PARD3B: variants seen among roughly 807,000 people sequenced by gnomAD.
PARD3B encodes partitioning defective 3 homolog B.
A neutral mutation model predicts 130.2 loss-of-function variants in PARD3B; 103 were observed. The observed-to-expected ratio is 0.79, with a 90% CI of 0.67 to 0.93. The LOEUF (loss-of-function observed/expected upper bound fraction) is 0.93. PARD3B is among the 40% of genes least tolerant of loss of function. PARD3B has a pLI of 0.00. For missense variants in PARD3B, 1,609 were observed against 1,499.2 expected, an observed-to-expected ratio of 1.07 and a Z score of -1.21; for synonymous variants, 583 against 553.2, an observed-to-expected ratio of 1.05 and a Z score of -0.76.
chr2:204,901,656 CAGA>C (rs771153949), intron 2 of PARD3B, among the ~76,000 whole-genome samples: 2 of 151,846 alleles, frequency 1.3e-5, no homozygotes, highest in African/African-American at 2.4e-5. Context: ...TTGTCTCAAG[CAGA>C]AGGAGTCTCT....
rs2036389979 is a variant in PARD3B at position 204,673,249 on chromosome 2, C to T, written c.121-12932C>T. On this transcript the variant is annotated intron_variant, in intron 1 of 22. Coordinates refer to ENST00000406610, the MANE Select transcript of PARD3B (RefSeq NM_001302769.2). This position sits in a 1 kb window ranked among gnomAD's most constrained non-coding sequence, Gnocchi z 4.7. ...TCTGAGATGCAAATAACATGTAAGTCCCTTCTTCTTCCTTTCTAGAAGTAT... is the reference window on the plus strand; with the variant it reads ...TCTGAGATGCAAATAACATGTAAGTTCCTTCTTCTTCCTTTCTAGAAGTAT... Among the ~76,000 whole-genome samples the T allele has an allele frequency of 6.6e-6, 1 of 152,140 alleles. No individual in the cohort carries two copies.
chr2:205,597,766 A>T (rs2054623181), intron 22 of PARD3B, among the ~76,000 whole-genome samples: 1 of 152,206 alleles, frequency 6.6e-6, no homozygotes, highest in Non-Finnish European at 1.5e-5. Context: ...GAAACCCCAT[A>T]AGGCTAGTAG....
intron 2 of PARD3B, among the ~76,000 whole-genome samples, chr2:204,910,977 A>G (rs2047215128): frequency 6.6e-6 from 1 of 152,198 alleles, no homozygotes; most frequent in Admixed American, 6.5e-5. Context: ...TACGCTGAGT[A>G]TGCCATAAAA....
At chr2:205,101,293 T>TA in intron 4 of PARD3B, among the ~76,000 whole-genome samples, 1 of 152,158 alleles carries the variant, frequency 6.6e-6, no homozygotes, top group East Asian at 1.9e-4. Context: ...TACAATAAAT[T>TA]AAAATTAAAA....
At chr2:205,317,468 A>G (rs2042600680) in intron 18 of PARD3B, among the ~76,000 whole-genome samples, 2 of 152,186 alleles carry the variant, frequency 1.3e-5, no homozygotes, top group Non-Finnish European at 2.9e-5. Context: ...AATGGAAAAT[A>G]TAGCCTTTAA....
chr2:205,117,586 A>G (rs1017841570), intron 6 of PARD3B, among the ~76,000 whole-genome samples: 3 of 152,230 alleles, frequency 2.0e-5, no homozygotes, highest in Non-Finnish European at 2.9e-5. Flanking sequence ...TTATTTACAC[A>G]TAAAATGTAC....
At position 205,274,760 on chromosome 2, in the gene PARD3B, A is replaced by G. The variant is rs951063700; in HGVS notation, c.2186-25770A>G. On this transcript the variant is annotated intron_variant, in intron 16 of 22. Transcript: ENST00000406610. The surrounding 1 kb of genome is among the most constrained non-coding windows in gnomAD (Gnocchi z 4.2). ...TTTTAAGCCCTCTACAGAAATCATT[A>G]TATTATTTTATAAAGAATCCATAAC... Among the ~76,000 whole-genome samples the G allele has an allele frequency of 3.3e-5, 5 of 152,180 alleles. No homozygotes were observed. The highest frequency in any genetic ancestry group is 5.9e-5 in the Non-Finnish European group (4 of 68,028).
chr2:205,031,861 C>A (rs1457673318), intron 3 of PARD3B, among the ~76,000 whole-genome samples: 1 of 152,036 alleles, frequency 6.6e-6, no homozygotes. Context: ...TTCTGATAAT[C>A]CCTTAAAAGA....
chr2:205,195,774 A>G lies in PARD3B; in HGVS notation c.2140+2454A>G, dbSNP rs76373540. Among the ~76,000 whole-genome samples, 965 of 152,098 alleles carry G rather than the reference A, an allele frequency of 6.3e-3. 7 individuals carry two copies. Among genetic ancestry groups the G allele is most frequent in the Non-Finnish European group, 9.7e-3 (660 of 68,008 alleles). On this transcript the variant is annotated intron_variant, in intron 15 of 22. Coordinates refer to ENST00000406610, the MANE Select transcript of PARD3B (RefSeq NM_001302769.2). The stretch of plus-strand genomic sequence containing the variant: ...GTAGCCTATTTAGGATGAATACACA[A>G]TTCATGATGTCTATTTTTGACCTGG...
intron 22 of PARD3B, among the ~76,000 whole-genome samples, chr2:205,610,548 C>T (rs990944712): frequency 1.3e-5 from 2 of 152,132 alleles, no homozygotes; most frequent in Non-Finnish European, 2.9e-5. Flanking sequence ...TTCCTCAGCA[C>T]CAGTTAGTCA....
chr2:205,313,051 G>T (rs1044903256), intron 18 of PARD3B, among the ~76,000 whole-genome samples: 4 of 152,184 alleles, frequency 2.6e-5, no homozygotes, highest in Non-Finnish European at 5.9e-5. Context: ...TGGATAGATT[G>T]TGAACATGAG....
At chr2:205,526,647 T>C (rs2051351704) in intron 21 of PARD3B, among the ~76,000 whole-genome samples, 3 of 152,188 alleles carry the variant, frequency 2.0e-5, no homozygotes, top group Admixed American at 1.3e-4. Flanking sequence ...ACCACTACCT[T>C]TTTTAGTTCT....
chr2:204,668,677 C>A (rs1226726692), intron 1 of PARD3B, among the ~76,000 whole-genome samples: 1 of 152,092 alleles, frequency 6.6e-6, no homozygotes, highest in Non-Finnish European at 1.5e-5. Context: ...ACACCTTTTT[C>A]ATAAAAAAGA....
intron 1 of PARD3B, among the ~76,000 whole-genome samples, chr2:204,609,645 A>G (rs550380246): frequency 2.0e-5 from 3 of 152,270 alleles, no homozygotes; most frequent in South Asian, 2.1e-4. Context: ...GTAGTAAGAA[A>G]TGTTTGAGTT....
chr2:204,764,099 G>A (rs2041027042), intron 2 of PARD3B, among the ~76,000 whole-genome samples: 1 of 152,142 alleles, frequency 6.6e-6, no homozygotes, highest in African/African-American at 2.4e-5. Flanking sequence ...AGTTTAATGA[G>A]TGAAAGGAGA....
rs202183190 is a variant in PARD3B at position 205,583,404 on chromosome 2, C to T, written c.3260+30001C>T. Among the ~76,000 whole-genome samples, 60 of 19,556 alleles carry T rather than the reference C, an allele frequency of 3.1e-3. 1 individual carries two copies. The highest frequency in any genetic ancestry group is 9.7e-3 in the South Asian group (3 of 310). 12.8% of individuals were successfully genotyped at this position (19,556 alleles called of 152,430 possible). On this transcript the variant is annotated intron_variant, in intron 22 of 22. Coordinates refer to ENST00000406610, the MANE Select transcript of PARD3B (RefSeq NM_001302769.2). ...GTGTGTGTGTGTGTGTGTGTGTGCG[C>T]GCGCACGCGCGTGTGAGAGAGAGAG... is the stretch of plus-strand genomic sequence containing the variant.
At chr2:204,730,715 T>A (rs1352764491) in intron 2 of PARD3B, among the ~76,000 whole-genome samples, 1 of 152,180 alleles carries the variant, frequency 6.6e-6, no homozygotes, top group East Asian at 1.9e-4. Flanking sequence ...AATATTTCAG[T>A]CTCAGCTGTC....
intron 3 of PARD3B, among the ~76,000 whole-genome samples, chr2:204,972,488 C>G (rs1292404066): frequency 1.3e-5 from 2 of 149,512 alleles, no homozygotes; most frequent in Non-Finnish European, 3.0e-5. Flanking sequence ...CTTTTTTTTT[C>G]TACCTGCTTC....
intron 15 of PARD3B, 40 bp from the exon 16 acceptor site, chr2:205,245,738 A>T: frequency 6.7e-7 from 1 of 1,496,712 alleles, no homozygotes; most frequent in Non-Finnish European, 9.2e-7. Context: ...CTGATTTACA[A>T]GCCGGTCTGA....
Sources: gnomAD v4.1 joint callset for allele counts (sites outside exome capture counted in the v4.1 genomes callset) on GRCh38, gnomAD v4.1.1 for gene constraint, Gnocchi (gnomAD v3.1) non-coding constraint, MANE v1.5 for transcripts, NCBI Gene and HGNC (gene_info 2026-07-23, HGNC 2026-07-21) for gene names.